The following GCA variants were observed in gnomAD, a reference collection of about 807,000 sequenced individuals.
GCA encodes grancalcin, EF-hand calcium-binding protein.
A neutral mutation model predicts 32.6 loss-of-function variants in GCA; 30 were observed. The ratio of observed to expected loss-of-function variants is 0.92; its 90% CI spans 0.69 to 1.25. The LOEUF (loss-of-function observed/expected upper bound fraction) is 1.25, where lower values mean the gene tolerates loss of function less well. Among genes scored for constraint, GCA ranks in the 50% most tolerant of loss-of-function variants. The pLI, the probability that GCA is intolerant of heterozygous loss-of-function variation, is 0.00. For synonymous variants in GCA, 102 were observed against 84.6 expected (o/e 1.21, Z -1.13); for missense variants, 291 against 266.8 (o/e 1.09, Z -0.63).
At chr2:162,357,749 C>T (rs912047297) in intron 5 of GCA, among the ~76,000 whole-genome samples, 2 of 151,486 alleles carry the variant, frequency 1.3e-5, no homozygotes, top group African/African-American at 4.8e-5. Flanking sequence ...ATGGATTAAA[C>T]CTGGACCTTA....
At chr2:162,372,844 CAAAA>C (rs768071927), downstream of GCA, among the ~76,000 whole-genome samples, 1 of 152,104 alleles carries the variant, frequency 6.6e-6, no homozygotes. Flanking sequence ...TAACATAATT[CAAAA>C]GGACCCCTTT....
chr2:162,332,287 C>T (rs553536760), intron 1 of GCA, among the ~76,000 whole-genome samples: 18 of 130,710 alleles, frequency 1.4e-4, no homozygotes, highest in Non-Finnish European at 1.9e-4. Context: ...CCAGCCTGGG[C>T]GACAGAGCAA....
At chr2:162,322,951 T>C (rs1036677344) in intron 1 of GCA, among the ~76,000 whole-genome samples, 10 of 151,884 alleles carry the variant, frequency 6.6e-5, no homozygotes, top group African/African-American at 2.4e-4. Context: ...TCAAATGGTA[T>C]TTCTAGTTCT....
At chr2:162,324,598 T>C (rs1013263227) in intron 1 of GCA, among the ~76,000 whole-genome samples, 3 of 152,140 alleles carry the variant, frequency 2.0e-5, no homozygotes, top group South Asian at 2.1e-4. Flanking sequence ...AGGTACAGGA[T>C]GGGGGCATGG....
intron 2 of GCA, among the ~76,000 whole-genome samples, chr2:162,350,548 T>A (rs1173468360): frequency 1.3e-5 from 2 of 152,222 alleles, no homozygotes; most frequent in African/African-American, 4.8e-5. Flanking sequence ...GAATAAGTAG[T>A]ATTATACTGA....
chr2:162,322,014 A>C (rs182278312), intron 1 of GCA, among the ~76,000 whole-genome samples: 1 of 148,836 alleles, frequency 6.7e-6, no homozygotes, highest in East Asian at 2.0e-4. Flanking sequence ...TTTAACTGAA[A>C]CTGATAGGCT....
chr2:162,319,993 T>C (rs992395549), intron 1 of GCA, among the ~76,000 whole-genome samples: 1 of 152,228 alleles, frequency 6.6e-6, no homozygotes, highest in Non-Finnish European at 1.5e-5. Context: ...AATTATCTTA[T>C]GTAGCAAGGC....
At chr2:162,338,287 G>C (rs770395373) in intron 1 of GCA, among the ~76,000 whole-genome samples, 21 of 152,158 alleles carry the variant, frequency 1.4e-4, no homozygotes, top group Non-Finnish European at 2.1e-4. Context: ...GGATTAATGT[G>C]GAAATGAGAT....
In GCA at chr2:162,347,614, A is replaced by G. The variant is rs765433325; in HGVS notation, c.64A>G (p.Met22Val). The change falls in exon 2 of 8, where the codon ATG (methionine) becomes GTG (valine). Residue 22 changes from methionine to valine, a missense_variant. Coordinates refer to ENST00000437150, the MANE Select transcript of GCA (RefSeq NM_012198.5). ...NFSIQVPGMQ[M>V]GQPVPETGPA... ...TAGCATTCAGGTGCCAGGAATGCAG[A>G]TGGGACAGCCAGTGCCAGAAACAGG... 10 of 1,609,414 alleles carry G rather than the reference A, an allele frequency of 6.2e-6. No homozygotes were observed. The highest frequency in any genetic ancestry group is 1.1e-5 in the South Asian group (1 of 90,472).
intron 1 of GCA, among the ~76,000 whole-genome samples, chr2:162,336,284 A>G (rs563804287): frequency 6.6e-6 from 1 of 152,334 alleles, no homozygotes; most frequent in South Asian, 2.1e-4. Flanking sequence ...CCTTCTAAAC[A>G]TGTATTTATT....
rs1032410727 is a variant in GCA at position 162,361,278 on chromosome 2, T to G, written c.*1035T>G. The G allele has an allele frequency of 2.5e-5, 25 of 984,638 alleles. No individual in the cohort carries two copies. Among genetic ancestry groups the G allele is most frequent in the Middle Eastern group, 1.0e-3 (2 of 1,936 alleles). The allele number at this position is 984,638 out of a possible 1,614,324, so 61.0% of individuals were successfully genotyped here. A position where few individuals can be genotyped will look rare whatever the true frequency, so the allele number is the denominator to read the frequency against. ...CAACTTTTCTGCGTGGTACTAAAAC[T>G]GCCGAAAATGCGACGTAGAATCACC... On this transcript the variant is annotated 3_prime_UTR_variant, in exon 8 of 8. Transcript: ENST00000437150.
downstream of GCA, among the ~76,000 whole-genome samples, chr2:162,373,002 T>C (rs1365917101): frequency 6.6e-6 from 1 of 152,194 alleles, no homozygotes; most frequent in Admixed American, 6.5e-5. Flanking sequence ...ACCTCAGGTC[T>C]AATCTGGCCA....
At chr2:162,359,263 T>G in intron 6 of GCA, 106 bp downstream of exon 6, 1 of 705,384 alleles carries the variant, frequency 1.4e-6, no homozygotes, top group Admixed American at 2.6e-5. Flanking sequence ...TTTTCTCCCT[T>G]TATTCACTGT....
chr2:162,350,848 C>A (rs186365962), intron 2 of GCA, among the ~76,000 whole-genome samples: 1 of 152,062 alleles, frequency 6.6e-6, no homozygotes, highest in Non-Finnish European at 1.5e-5. Flanking sequence ...ATAAATGTTT[C>A]GTATGGATGA....
chr2:162,351,914 G>T (rs1685019013), intron 2 of GCA, among the ~76,000 whole-genome samples: 1 of 152,040 alleles, frequency 6.6e-6, no homozygotes, highest in South Asian at 2.1e-4. Flanking sequence ...AATGGTGGGG[G>T]AAAATATATT....
At chr2:162,375,155 A>C (rs780154430), downstream of GCA, among the ~76,000 whole-genome samples, 10 of 152,216 alleles carry the variant, frequency 6.6e-5, no homozygotes, top group Non-Finnish European at 1.3e-4. Flanking sequence ...ATTCAGATTT[A>C]TCATAAATAT....
chr2:162,375,328 TG>T (rs1252453814), downstream of GCA, among the ~76,000 whole-genome samples: 1 of 152,198 alleles, frequency 6.6e-6, no homozygotes, highest in African/African-American at 2.4e-5. Flanking sequence ...ATTATCGTGA[TG>T]TTTTTGTCAT....
chr2:162,319,234 G>C (rs987834717), intron 1 of GCA: 5 of 456,728 alleles, frequency 1.1e-5, no homozygotes, highest in Non-Finnish European at 2.2e-5. Flanking sequence ...AGGTGGGTTC[G>C]AAAAAGTGAG....
At chr2:162,347,795 G>C in intron 2 of GCA, 53 bp downstream of exon 2, 1 of 1,083,830 alleles carries the variant, frequency 9.2e-7, no homozygotes, top group Non-Finnish European at 1.3e-6. Flanking sequence ...TTGTTTAAGA[G>C]AAATGTCAGC....
Sources: gnomAD v4.1 joint callset for allele counts (sites outside exome capture counted in the v4.1 genomes callset) on GRCh38, gnomAD v4.1.1 for gene constraint, MANE v1.5 for transcripts, NCBI Gene and HGNC (gene_info 2026-07-23, HGNC 2026-07-21) for gene names.